DACH2: variants seen among roughly 807,000 people sequenced by gnomAD.
DACH2 encodes dachshund homolog 2.
DACH2 carries 17 observed loss-of-function variants against 35.8 expected under a neutral mutation model. That is an observed-to-expected ratio of 0.48 (90% confidence interval 0.33 to 0.71). The LOEUF (loss-of-function observed/expected upper bound fraction) is 0.71, where lower values mean the gene tolerates loss of function less well. Among genes scored for constraint, DACH2 ranks in the 30% least tolerant of loss-of-function variants. The pLI is 0.02. For synonymous variants in DACH2, 195 were observed against 177.3 expected (o/e 1.10, Z -0.79); for missense variants, 469 against 472.7 (o/e 0.99, Z 0.07).
At chrX:86,250,360 G>T (rs1371567087) in intron 1 of DACH2, among the ~76,000 whole-genome samples, 1 of 110,760 alleles carries the variant, frequency 9.0e-6, no homozygotes, top group African/African-American at 3.3e-5. Flanking sequence ...GCACTGGCAG[G>T]GTATATTTGA....
At chrX:86,752,017 T>C (rs766153671) in intron 7 of DACH2, among the ~76,000 whole-genome samples, 9 of 111,439 alleles carry the variant, frequency 8.1e-5, no homozygotes, top group Admixed American at 3.8e-4. Context: ...TTTTCACTTA[T>C]AAGTTTGAGC....
At chrX:86,160,854 A>G in intron 1 of DACH2, 2 of 518,810 alleles carry the variant, frequency 3.9e-6, no homozygotes, top group Non-Finnish European at 6.9e-6. Flanking sequence ...ACCAGTCTTC[A>G]CTTGACCACC....
chrX:86,391,252 C>G (rs1337783609), intron 2 of DACH2, among the ~76,000 whole-genome samples: 2 of 86,571 alleles, frequency 2.3e-5, no homozygotes, highest in African/African-American at 8.8e-5. Context: ...GTGCACCACT[C>G]GGGCTGGGTG....
intron 2 of DACH2, among the ~76,000 whole-genome samples, chrX:86,389,975 G>C (rs767146065): frequency 1.0e-3 from 112 of 111,981 alleles, no homozygotes; most frequent in Non-Finnish European, 1.9e-3. Flanking sequence ...AATAATTGAT[G>C]ATTTATAAGA....
intron 2 of DACH2, among the ~76,000 whole-genome samples, chrX:86,401,190 A>G (rs979814022): frequency 1.5e-4 from 17 of 112,582 alleles, no homozygotes; most frequent in Admixed American, 2.8e-4. Flanking sequence ...GGTGCAGGAT[A>G]TAATCTCCTG....
intron 3 of DACH2, among the ~76,000 whole-genome samples, chrX:86,643,721 T>C (rs1016735949): frequency 1.8e-5 from 2 of 109,469 alleles, no homozygotes; most frequent in Non-Finnish European, 3.8e-5. Context: ...TCCACAAAAA[T>C]ATTTGCAAAC....
rs2038984947 is a variant in DACH2 at position 86,547,049 on chromosome X, G to C, written c.640+32658G>C. Among the ~76,000 whole-genome samples the C allele has an allele frequency of 2.7e-5, 3 of 110,816 alleles. No homozygotes were observed. In the South Asian group the frequency reaches 1.2e-3, roughly 43 times the overall value. ...GGACCCACTATACCAGTAAAGTGTA[G>C]ATAAATTCAGGCCATGCACCTGTGA... On this transcript the variant is annotated intron_variant, in intron 3 of 11. Coordinates refer to ENST00000373125, the MANE Select transcript of DACH2 (RefSeq NM_053281.3).
chrX:86,568,402 A>T, intron 3 of DACH2, among the ~76,000 whole-genome samples: 1 of 110,964 alleles, frequency 9.0e-6, no homozygotes, highest in East Asian at 2.9e-4. Context: ...CAGGTGGTGT[A>T]TGGATCTATA....
chrX:86,698,717 G>T (rs2041103600), intron 5 of DACH2, among the ~76,000 whole-genome samples: 1 of 106,908 alleles, frequency 9.4e-6, no homozygotes, highest in East Asian at 3.0e-4. Flanking sequence ...GTATTTTTTA[G>T]TAGAAACAGG....
intron 1 of DACH2, among the ~76,000 whole-genome samples, chrX:86,279,209 C>T (rs1165890769): frequency 5.4e-5 from 6 of 112,093 alleles, no homozygotes; most frequent in Non-Finnish European, 1.1e-4. Context: ...GACAGACTGC[C>T]TCCTCAAGTA....
chrX:86,420,089 TA>T (rs1301823003), intron 2 of DACH2, among the ~76,000 whole-genome samples: 3 of 111,890 alleles, frequency 2.7e-5, no homozygotes, highest in Non-Finnish European at 3.8e-5. Flanking sequence ...TGAACATCCC[TA>T]CTCATACAGT....
At chrX:86,400,692 C>T (rs760908945) in intron 2 of DACH2, among the ~76,000 whole-genome samples, 44 of 111,705 alleles carry the variant, frequency 3.9e-4, no homozygotes, top group African/African-American at 1.1e-3. Flanking sequence ...TGCAGAACAG[C>T]GGATATTGGT....
intron 7 of DACH2, among the ~76,000 whole-genome samples, chrX:86,788,758 T>G (rs936468049): frequency 8.9e-6 from 1 of 111,832 alleles, no homozygotes; most frequent in African/African-American, 3.2e-5. Flanking sequence ...ACCTTATTTA[T>G]ATTCACATTA....
intron 3 of DACH2, among the ~76,000 whole-genome samples, chrX:86,599,369 C>T (rs2039756082): frequency 9.1e-6 from 1 of 109,718 alleles, no homozygotes; most frequent in South Asian, 4.0e-4. Context: ...CTTCCTCTTC[C>T]TTTCTTTCCC....
chrX:86,787,630 A>G (rs901570217), intron 7 of DACH2, among the ~76,000 whole-genome samples: 4 of 110,445 alleles, frequency 3.6e-5, no homozygotes, highest in Non-Finnish European at 7.6e-5. Context: ...AAAAAAAAAA[A>G]AAAAAAGAAA....
At chrX:86,772,793 G>A (rs973756738) in intron 7 of DACH2, among the ~76,000 whole-genome samples, 1 of 111,406 alleles carries the variant, frequency 9.0e-6, no homozygotes, top group African/African-American at 3.3e-5. Flanking sequence ...AATGAAATCT[G>A]GGGCTGAATT....
At chrX:86,726,577 G>A (rs1265534981) in intron 6 of DACH2, among the ~76,000 whole-genome samples, 1 of 111,625 alleles carries the variant, frequency 9.0e-6, no homozygotes, top group African/African-American at 3.3e-5. Context: ...GCTGCCTTGG[G>A]GCAGGATCTA....
At chrX:86,550,482 ACT>A (rs1316451825) in intron 3 of DACH2, among the ~76,000 whole-genome samples, 3 of 110,779 alleles carry the variant, frequency 2.7e-5, no homozygotes, top group African/African-American at 6.6e-5. Context: ...GTCATTTTTC[ACT>A]GTTTAACTTA....
At chrX:86,434,053 A>G (rs1014486630) in intron 2 of DACH2, among the ~76,000 whole-genome samples, 15 of 111,950 alleles carry the variant, frequency 1.3e-4, no homozygotes, top group Non-Finnish European at 2.1e-4. Context: ...CTATTCCTTA[A>G]TGTCTTTGAT....
Sources: gnomAD v4.1 joint callset for allele counts (sites outside exome capture counted in the v4.1 genomes callset) on GRCh38, gnomAD v4.1.1 for gene constraint, MANE v1.5 for transcripts, NCBI Gene and HGNC (gene_info 2026-07-23, HGNC 2026-07-21) for gene names.